The following SLMAP variants were observed in gnomAD, a reference collection of about 807,000 sequenced individuals.
SLMAP encodes the protein sarcolemma associated protein.
SLMAP carries 44 observed loss-of-function variants against 128.8 expected under a neutral mutation model. That is an observed-to-expected ratio of 0.34 (90% CI 0.27 to 0.44). The LOEUF (loss-of-function observed/expected upper bound fraction) is 0.44, where lower values mean the gene tolerates loss of function less well. Ranked by LOEUF, SLMAP falls within the 20% of genes least tolerant of loss-of-function variation. SLMAP has a pLI of 1.00. For synonymous variants in SLMAP, 327 were observed against 348.8 expected, an observed-to-expected ratio of 0.94 and a Z score of 0.70; for missense variants, 787 against 985.3, an observed-to-expected ratio of 0.80 and a Z score of 2.69.
chr3:57,783,702 G>T (rs1427405924), intron 2 of SLMAP, among the ~76,000 whole-genome samples: 1 of 152,198 alleles, frequency 6.6e-6, no homozygotes, highest in East Asian at 1.9e-4. Context: ...GATTAGTATG[G>T]ATAGGAGGGA....
intron 17 of SLMAP, chr3:57,901,224 C>G (rs1368556332): frequency 6.6e-6 from 1 of 152,182 alleles, no homozygotes; most frequent in Non-Finnish European, 1.5e-5. Context: ...TTTCATTTAC[C>G]TCTCCAAGTA....
chr3:57,855,399 G>A (rs1319170966), intron 6 of SLMAP, among the ~76,000 whole-genome samples: 1 of 151,654 alleles, frequency 6.6e-6, no homozygotes, highest in Non-Finnish European at 1.5e-5. Flanking sequence ...GAAAAGAAAA[G>A]AAAAAGATAG....
intron 2 of SLMAP, among the ~76,000 whole-genome samples, chr3:57,781,749 T>C (rs1268684125): frequency 6.7e-6 from 1 of 150,290 alleles, no homozygotes; most frequent in Non-Finnish European, 1.5e-5. Flanking sequence ...TTTTTTTTTT[T>C]TGAGATGGAG....
chr3:57,913,109 A>G, intron 20 of SLMAP, 49 bp from the exon 21 acceptor site: 1 of 896,554 alleles, frequency 1.1e-6, no homozygotes, highest in Non-Finnish European at 1.8e-6. Flanking sequence ...TTGAAGTATT[A>G]TGGAAGTTAT....
At chr3:57,839,759 A>G (rs1444614005) in intron 3 of SLMAP, among the ~76,000 whole-genome samples, 1 of 152,116 alleles carries the variant, frequency 6.6e-6, no homozygotes, top group African/African-American at 2.4e-5. Flanking sequence ...ACCCACCATC[A>G]TGTTGAGCAG....
chr3:57,854,046 TACACATAAC>T (rs2094645611), intron 6 of SLMAP, among the ~76,000 whole-genome samples: 1 of 103,274 alleles, frequency 9.7e-6, no homozygotes, highest in Non-Finnish European at 1.9e-5. Flanking sequence ...TGTATATATA[TACACATAAC>T]ATATATAACA....
intron 2 of SLMAP, among the ~76,000 whole-genome samples, chr3:57,777,601 G>A (rs2082191337): frequency 2.0e-5 from 3 of 151,650 alleles, no homozygotes; most frequent in African/African-American, 2.4e-5. Flanking sequence ...AATAAGAAAA[G>A]TTCAGAAGAA....
At chr3:57,809,296 T>A (rs1337138015) in intron 2 of SLMAP, among the ~76,000 whole-genome samples, 1 of 152,208 alleles carries the variant, frequency 6.6e-6, no homozygotes, top group African/African-American at 2.4e-5. Context: ...TGCTCCCACT[T>A]CCTGGCCTCT....
chr3:57,854,022 TATA>T (rs2094640750), intron 6 of SLMAP, among the ~76,000 whole-genome samples: 1 of 116,318 alleles, frequency 8.6e-6, no homozygotes, highest in South Asian at 2.5e-4. Context: ...ATATATTATA[TATA>T]ATATATAATG....
rs184176631 is a variant in SLMAP, at chr3:57,909,675, C to T, written c.1699+525C>T. ...TTGCCCAGGCTGGAGTACAATGGCG[C>T]GGTCTCACCTTACTGCAACCTCCGC... On this transcript the variant is annotated intron_variant, in intron 19 of 24. Coordinates refer to ENST00000671191, the MANE Select transcript of SLMAP (RefSeq NM_001377540.1). Among the ~76,000 whole-genome samples, 367 of 151,626 alleles carry T rather than the reference C, an allele frequency of 2.4e-3. 1 individual carries two copies. The highest frequency in any genetic ancestry group is 3.6e-3 in the Non-Finnish European group (245 of 67,890).
chr3:57,817,329 G>A (rs933855429), intron 2 of SLMAP, among the ~76,000 whole-genome samples: 1 of 152,030 alleles, frequency 6.6e-6, no homozygotes, highest in Admixed American at 6.6e-5. Flanking sequence ...TATTATTACC[G>A]TTATTATGCA....
intron 2 of SLMAP, among the ~76,000 whole-genome samples, chr3:57,828,989 C>T (rs2093136508): frequency 6.6e-6 from 1 of 151,940 alleles, no homozygotes. Context: ...CACTTTGTTG[C>T]CCAGGCTGGT....
chr3:57,857,894 A>T, intron 7 of SLMAP, 66 bp downstream of exon 7: 1 of 1,141,790 alleles, frequency 8.8e-7, no homozygotes, highest in Non-Finnish European at 1.3e-6. Flanking sequence ...CATGTTAAAT[A>T]AACTAAAATG....
chr3:57,759,756 C>T (rs182619161), intron 2 of SLMAP, among the ~76,000 whole-genome samples: 9 of 152,286 alleles, frequency 5.9e-5, no homozygotes, highest in Non-Finnish European at 1.2e-4. Flanking sequence ...ACATACTCTG[C>T]GAATGCACTT....
At chr3:57,871,813 G>T in intron 14 of SLMAP, 115 bp downstream of exon 14, 1 of 743,102 alleles carries the variant, frequency 1.3e-6, no homozygotes, top group Non-Finnish European at 2.3e-6. Context: ...GCTTAAAGGG[G>T]CATCTTTAGA....
In SLMAP at chr3:57,928,982, A is replaced by G. The variant is rs1487688309; in HGVS notation, c.*1693A>G. The G allele has an allele frequency of 6.6e-6, 1 of 152,606 alleles. No homozygotes were observed. The highest frequency in any genetic ancestry group is 2.4e-5 in the African/African-American group (1 of 41,464). 9.5% of individuals were successfully genotyped at this position (152,606 alleles called of 1,614,324 possible). A position where few individuals can be genotyped will look rare whatever the true frequency, so the allele number is the denominator to read the frequency against. On this transcript the variant is annotated 3_prime_UTR_variant, in exon 25 of 25. Transcript: ENST00000671191. ...GCCAGTGGTACCCAGTACCTCTTGT[A>G]TATAGGTTATTGCAAATATTGTTCT...
chr3:57,899,743 C>G (rs1305637338), intron 17 of SLMAP: 1 of 152,046 alleles, frequency 6.6e-6, no homozygotes, highest in Non-Finnish European at 1.5e-5. Context: ...TTCTCTTTCT[C>G]TCTCTGTCTC....
At chr3:57,765,490 A>G (rs1381606914) in intron 2 of SLMAP, among the ~76,000 whole-genome samples, 1 of 152,190 alleles carries the variant, frequency 6.6e-6, no homozygotes, top group Admixed American at 6.5e-5. Context: ...GCATGTTCCA[A>G]GGACATTGTA....
chr3:57,890,137 T>C (rs2096019574), intron 15 of SLMAP, 37 bp downstream of exon 15: 2 of 1,597,028 alleles, frequency 1.3e-6, no homozygotes, highest in Non-Finnish European at 1.7e-6. Flanking sequence ...TTGACAGTTC[T>C]TTTGGATAAT....
Sources: allele counts gnomAD v4.1 joint callset (sites outside exome capture counted in the v4.1 genomes callset), GRCh38; gene constraint gnomAD v4.1.1; transcripts MANE v1.5; gene names NCBI Gene and HGNC (gene_info 2026-07-23, HGNC 2026-07-21).